SMYD3: variants seen among roughly 807,000 people sequenced by gnomAD.
SMYD3 encodes SET and MYND domain containing 3.
Under a neutral mutation model 57.7 loss-of-function variants are expected in SMYD3, and 36 were observed. The observed-to-expected ratio is 0.62, with a 90% confidence interval of 0.48 to 0.82. The LOEUF is 0.82. Ranked by LOEUF, SMYD3 falls within the 40% of genes least tolerant of loss-of-function variation. The probability of loss-of-function intolerance (pLI) is 0.00; values close to 1 mark genes in which losing one functional copy is unlikely to be tolerated. For synonymous variants in SMYD3, 211 were observed against 195.0 expected (o/e 1.08, Z -0.68); for missense variants, 515 against 538.8 (o/e 0.96, Z 0.44).
chr1:246,130,884 T>C (rs1396042505), intron 5 of SMYD3, among the ~76,000 whole-genome samples: 1 of 152,096 alleles, frequency 6.6e-6, no homozygotes, highest in East Asian at 1.9e-4. Flanking sequence ...TTTAAACAGC[T>C]CTTTACTTAA....
intron 3 of SMYD3, among the ~76,000 whole-genome samples, chr1:246,331,737 G>A (rs1410879032): frequency 6.6e-6 from 1 of 152,182 alleles, no homozygotes; most frequent in African/African-American, 2.4e-5. Flanking sequence ...CATCGAACAA[G>A]TCTGTCCATA....
At chr1:245,814,931 A>G (rs998856250) in intron 10 of SMYD3, among the ~76,000 whole-genome samples, 4 of 152,120 alleles carry the variant, frequency 2.6e-5, no homozygotes, top group Admixed American at 6.5e-5. Flanking sequence ...CTCCCAAGAC[A>G]TCTTCCTCAC....
chr1:246,057,490 C>G (rs1572956267), intron 5 of SMYD3, among the ~76,000 whole-genome samples: 1 of 152,086 alleles, frequency 6.6e-6, no homozygotes, highest in East Asian at 1.9e-4. Context: ...GGCAAATACG[C>G]ATATGAAAAG....
rs2067887480 is a variant in SMYD3 at position 246,466,747 on chromosome 1, C to T, written c.164+40307G>A. Among the ~76,000 whole-genome samples the T allele has an allele frequency of 2.0e-5, 3 of 152,184 alleles. No individual in the cohort carries two copies. In the South Asian group the frequency reaches 6.2e-4, roughly 31 times the overall value. ...CCTATAGCCCCAGCTACTCAGGAGGCTGATGGGGGAGGATCACTTGAGCCC... is the reference window on the plus strand; with the variant it reads ...CCTATAGCCCCAGCTACTCAGGAGGTTGATGGGGGAGGATCACTTGAGCCC... On this transcript the variant is annotated intron_variant, in intron 1 of 11. Coordinates refer to ENST00000490107, the MANE Select transcript of SMYD3 (RefSeq NM_001167740.2).
chr1:246,406,659 T>C (rs2066870628), intron 1 of SMYD3, among the ~76,000 whole-genome samples: 3 of 152,160 alleles, frequency 2.0e-5, no homozygotes, highest in Admixed American at 1.3e-4. Context: ...TCCTACAAGG[T>C]AGATACTCAA....
chr1:246,243,761 T>C (rs892063610), intron 5 of SMYD3, among the ~76,000 whole-genome samples: 7 of 152,028 alleles, frequency 4.6e-5, no homozygotes, highest in East Asian at 1.9e-4. Context: ...TCAAGATTAT[T>C]TTGAATCTTA....
At chr1:246,079,060 G>A (rs1229243248) in intron 5 of SMYD3, among the ~76,000 whole-genome samples, 1 of 151,250 alleles carries the variant, frequency 6.6e-6, no homozygotes, top group Non-Finnish European at 1.5e-5. Flanking sequence ...TATTAAGAAA[G>A]TAAAGGAATA....
intron 1 of SMYD3, among the ~76,000 whole-genome samples, chr1:246,498,831 C>G (rs545461571): frequency 2.6e-5 from 4 of 152,152 alleles, no homozygotes; most frequent in African/African-American, 9.6e-5. Flanking sequence ...TTATACCCCC[C>G]AGGCTGGAGT....
chr1:245,818,022 A>G (rs1452336946), intron 10 of SMYD3, among the ~76,000 whole-genome samples: 6 of 152,208 alleles, frequency 3.9e-5, no homozygotes, highest in South Asian at 4.2e-4. Context: ...GCAGGCCAAC[A>G]TTCAGATTCA....
At chr1:245,845,022 T>C (rs2050594453) in intron 10 of SMYD3, among the ~76,000 whole-genome samples, 1 of 152,240 alleles carries the variant, frequency 6.6e-6, no homozygotes, top group South Asian at 2.1e-4. Context: ...CGTGTACCCC[T>C]ACTCACTTTG....
chr1:245,883,035 C>T (rs1180482319), intron 8 of SMYD3, among the ~76,000 whole-genome samples: 1 of 152,276 alleles, frequency 6.6e-6, no homozygotes. Context: ...GACTGATACC[C>T]AGTAATTGCC....
intron 5 of SMYD3, among the ~76,000 whole-genome samples, chr1:246,237,640 A>G (rs115926775): frequency 0.044 from 6,756 of 152,292 alleles, 238 homozygotes; most frequent in African/African-American, 0.087. Flanking sequence ...TGACATTTTA[A>G]AAGTCCCTGT....
intron 5 of SMYD3, among the ~76,000 whole-genome samples, chr1:246,045,970 A>G (rs1263516140): frequency 3.9e-5 from 6 of 152,166 alleles, no homozygotes; most frequent in African/African-American, 1.2e-4. Context: ...AAAAGTCAGG[A>G]AACAACAGGT....
chr1:246,143,846 C>A (rs557247668), intron 5 of SMYD3, among the ~76,000 whole-genome samples: 1 of 152,322 alleles, frequency 6.6e-6, no homozygotes, highest in East Asian at 1.9e-4. Context: ...GAATGCTCCA[C>A]TACATCACCT....
At chr1:246,124,840 TAAAAC>T (rs1333453180) in intron 5 of SMYD3, among the ~76,000 whole-genome samples, 2 of 151,900 alleles carry the variant, frequency 1.3e-5, no homozygotes, top group Non-Finnish European at 2.9e-5. Flanking sequence ...CTTTTCTACT[TAAAAC>T]AAAATCTGGG....
chr1:245,994,531 C>T (rs768314310), intron 5 of SMYD3, among the ~76,000 whole-genome samples: 4 of 152,104 alleles, frequency 2.6e-5, no homozygotes, highest in African/African-American at 4.8e-5. Flanking sequence ...CATTTTCTCC[C>T]GGGACATCAA....
chr1:246,497,203 C>T (rs922316046), intron 1 of SMYD3, among the ~76,000 whole-genome samples: 9 of 152,318 alleles, frequency 5.9e-5, no homozygotes, highest in Admixed American at 3.9e-4. Flanking sequence ...AGTAAAACTA[C>T]TAGTTTCAAA....
At chr1:246,445,637 G>A (rs2067541365) in intron 1 of SMYD3, among the ~76,000 whole-genome samples, 1 of 152,162 alleles carries the variant, frequency 6.6e-6, no homozygotes, top group Non-Finnish European at 1.5e-5. Flanking sequence ...GGAGGGCTGA[G>A]TTAGAAAACC....
intron 5 of SMYD3, among the ~76,000 whole-genome samples, chr1:245,948,543 G>A (rs558795553): frequency 6.6e-6 from 1 of 152,130 alleles, no homozygotes. Context: ...CTCCAGGGAG[G>A]GAGCTTGTGC....
Sources: gnomAD v4.1 joint callset for allele counts (sites outside exome capture counted in the v4.1 genomes callset) on GRCh38, gnomAD v4.1.1 for gene constraint, MANE v1.5 for transcripts, NCBI Gene and HGNC (gene_info 2026-07-23, HGNC 2026-07-21) for gene names.